USP53: variants seen among roughly 807,000 people sequenced by gnomAD.
The protein encoded by USP53 is ubiquitin carboxyl-terminal hydrolase 53.
In USP53, 71 loss-of-function variants were observed where a neutral mutation model predicts 94.9. The ratio of observed to expected loss-of-function variants is 0.75; its 90% CI spans 0.62 to 0.91. The LOEUF (loss-of-function observed/expected upper bound fraction) is 0.91. Among genes scored for constraint, USP53 ranks in the 40% least tolerant of loss-of-function variants. USP53 has a pLI of 0.00. For synonymous variants in USP53, 375 were observed against 422.7 expected (o/e 0.89, Z 1.39); for missense variants, 1,173 against 1,281.0 (o/e 0.92, Z 1.29).
At position 119,261,588 on chromosome 4, in the gene USP53, T is replaced by A. The variant is rs564767438; in HGVS notation, c.823-127T>A. ...TCAGTGGTGCCTTCAAGTAATAATA[T>A]AATATTAGATTGGGGCAGTATGCAT... On this transcript the variant is annotated intron_variant, in intron 11 of 18. Coordinates refer to ENST00000692078, the MANE Select transcript of USP53 (RefSeq NM_001371395.1). The A allele has an allele frequency of 3.2e-5, 20 of 626,944 alleles. No individual in the cohort carries two copies. The East Asian group carries it at 6.3e-4, about 20-fold the overall frequency. 38.8% of individuals were successfully genotyped at this position (626,944 alleles called of 1,614,324 possible).
intron 3 of USP53, among the ~76,000 whole-genome samples, chr4:119,232,547 A>G (rs973781225): frequency 2.0e-5 from 3 of 152,174 alleles, no homozygotes; most frequent in African/African-American, 7.2e-5. Flanking sequence ...TGGTTGATGG[A>G]CATTTGTTTG....
In USP53 at chr4:119,274,549, A is replaced by G. The variant is rs954194050; in HGVS notation, c.2251+841A>G. Among the ~76,000 whole-genome samples the G allele has an allele frequency of 2.6e-5, 4 of 152,104 alleles. 1 individual carries two copies. Among genetic ancestry groups the G allele is most frequent in the Admixed American group, 1.3e-4 (2 of 15,270 alleles). ...CTTTGCTATTGTGAATAATGCCGCA[A>G]TAAACATACGTGTACATGTGTCTTT... is the stretch of plus-strand genomic sequence containing the variant. On this transcript the variant is annotated intron_variant, in intron 17 of 18. Transcript: ENST00000692078.
chr4:119,268,231 A>G, intron 13 of USP53, 37 bp from the exon 14 acceptor site: 2 of 1,526,520 alleles, frequency 1.3e-6, no homozygotes, highest in Non-Finnish European at 1.8e-6. Context: ...TCTCATGGGA[A>G]GGAAAGGAAT....
intron 9 of USP53, 128 bp from the exon 10 acceptor site, chr4:119,259,691 AT>A (rs1379311023): frequency 1.5e-5 from 9 of 594,598 alleles, no homozygotes; most frequent in Non-Finnish European, 2.2e-5. Context: ...TTTATGGTTA[AT>A]TTTTCAGTCA....
At chr4:119,280,074 G>A (rs190561586) in intron 17 of USP53, among the ~76,000 whole-genome samples, 2,135 of 152,312 alleles carry the variant, frequency 0.014, 24 homozygotes, top group Middle Eastern at 0.027. Context: ...CGTCGCTCAC[G>A]CTGGGAGCTG....
intron 17 of USP53, among the ~76,000 whole-genome samples, chr4:119,289,175 T>A (rs1461977406): frequency 6.6e-6 from 1 of 152,150 alleles, no homozygotes; most frequent in Non-Finnish European, 1.5e-5. Flanking sequence ...TATTTCCCAT[T>A]TCCTCATATA....
Position 119,271,655 on chromosome 4 carries a change from G to T in USP53, c.1795G>T (p.Glu599Ter). The T allele has an allele frequency of 6.2e-7, 1 of 1,613,264 alleles. No individual in the cohort carries two copies. Among genetic ancestry groups the T allele is most frequent in the South Asian group, 1.1e-5 (1 of 90,868 alleles). The stretch of plus-strand genomic sequence containing the variant: ...ATTAAATGTTGATAGTATTTTTAGT[G>T]AAAGTGAAAAAAGACAGCATAGTCC... ...ETLNVDSIFS[E>*]SEKRQHSPRH... is the part of the protein sequence containing the mutation. Residue 599 changes from glutamate (E) to a stop codon, truncating the protein, a stop_gained, in exon 16 of 19, where the codon GAA becomes TAA. Transcript: ENST00000692078. LOFTEE classifies it high-confidence loss of function.
At chr4:119,265,967 C>CTTTTAG (rs1751078860) in intron 12 of USP53, among the ~76,000 whole-genome samples, 1 of 152,102 alleles carries the variant, frequency 6.6e-6, no homozygotes, top group Non-Finnish European at 1.5e-5. Context: ...ATGTAACTAC[C>CTTTTAG]ATAATCAGTA....
At chr4:119,273,305 G>A (rs1368038204) in intron 16 of USP53, 1 of 137,658 alleles carries the variant, frequency 7.3e-6, no homozygotes, top group Non-Finnish European at 1.5e-5. Flanking sequence ...AAGAGCAAAA[G>A]GTCCTGGCTC....
At chr4:119,290,436 G>A (rs1754624001) in intron 17 of USP53, among the ~76,000 whole-genome samples, 1 of 152,144 alleles carries the variant, frequency 6.6e-6, no homozygotes, top group South Asian at 2.1e-4. Flanking sequence ...GGACTTTTGA[G>A]TCATAAAGAT....
Position 119,212,726 on chromosome 4 carries a change from C to T in USP53, c.-1089C>T, listed in dbSNP as rs887078675. ...CGCCTGTGCTCCAGTTCCCGGTGAG[C>T]CTCGGTACTGTGGCAGCAGTCAGTG... On this transcript the variant is annotated 5_prime_UTR_variant, in exon 1 of 19. Transcript: ENST00000692078. The T allele has an allele frequency of 1.2e-5, 4 of 341,212 alleles. No individual in the cohort carries two copies. The highest frequency in any genetic ancestry group is 2.3e-5 in the Non-Finnish European group (4 of 170,490). The allele number at this position is 341,212 out of a possible 1,614,324, so 21.1% of individuals were successfully genotyped here.
intron 18 of USP53, among the ~76,000 whole-genome samples, chr4:119,291,535 C>CA (rs1754761213): frequency 2.6e-5 from 4 of 152,020 alleles, no homozygotes; most frequent in Admixed American, 2.6e-4. Flanking sequence ...GTAATGTGAC[C>CA]AAAACTATCG....
In USP53 at chr4:119,231,895, C is replaced by A. The variant is rs955991768; in HGVS notation, c.-664-3395C>A. ...TTGTGGGGTGGTCACTATGCATCCT[C>A]TGCCTGGGACGTACCAAAATTCCAG... On this transcript the variant is annotated intron_variant, in intron 3 of 18. Transcript: ENST00000692078. Among the ~76,000 whole-genome samples the A allele has an allele frequency of 5.9e-4, 89 of 151,906 alleles. 4 individuals are homozygous for A. Among genetic ancestry groups the A allele is most frequent in the Admixed American group, 1.3e-4 (2 of 15,246 alleles).
At chr4:119,222,055 A>G (rs769927438) in intron 3 of USP53, among the ~76,000 whole-genome samples, 6 of 152,104 alleles carry the variant, frequency 3.9e-5, no homozygotes, top group Admixed American at 6.5e-5. Context: ...CTGTATTGCT[A>G]TTTGGTGATT....
rs368532462 is a variant in USP53, at chr4:119,271,979, G to A, written c.2119G>A (p.Asp707Asn). ...TACTAATTTGGACTCACCTGTTATC[G>A]ATGGAAATGGTACAGTAATGGATAT... ...GSTNLDSPVIDGNGTVMDISG... is the reference protein window; with the variant it reads ...GSTNLDSPVINGNGTVMDISG... Residue 707 changes from aspartate (D) to asparagine (N), a missense_variant, in exon 16 of 19, where the codon GAT becomes AAT. Transcript: ENST00000692078. The A allele has an allele frequency of 5.1e-5, 83 of 1,612,976 alleles. No homozygotes were observed. The highest frequency in any genetic ancestry group is 6.0e-5 in the Non-Finnish European group (71 of 1,179,708).
chr4:119,249,299 A>C (rs1748652482), intron 7 of USP53, among the ~76,000 whole-genome samples: 1 of 152,166 alleles, frequency 6.6e-6, no homozygotes, highest in Admixed American at 6.5e-5. Context: ...GGTGGGTAAC[A>C]GGGGCAACAG....
rs1401194819 is a variant in USP53, at chr4:119,280,832, AG to A, written c.2251+7126del. Among the ~76,000 whole-genome samples, 6 of 152,320 alleles carry A rather than the reference AG, an allele frequency of 3.9e-5. 1 individual carries two copies. In the East Asian group the frequency reaches 1.2e-3, roughly 29 times the overall value. On this transcript the variant is annotated intron_variant, in intron 17 of 18. Coordinates refer to ENST00000692078, the MANE Select transcript of USP53 (RefSeq NM_001371395.1). ...GGGGATATGGGTGAGGAGGACATAAAGGAAGATATATTGTGGAGAATCACGT... is the reference window on the plus strand; with the variant it reads ...GGGGATATGGGTGAGGAGGACATAAAGAAGATATATTGTGGAGAATCACGT...
At chr4:119,254,516 T>C (rs1749490629) in intron 7 of USP53, among the ~76,000 whole-genome samples, 1 of 152,250 alleles carries the variant, frequency 6.6e-6, no homozygotes, top group Non-Finnish European at 1.5e-5. Context: ...TTGAATCGGC[T>C]ACTGAAGCTT....
chr4:119,248,741 T>C lies in USP53; in HGVS notation c.238-7T>C, dbSNP rs1238243177. 1.2e-6 allele frequency: 2 copies of C among 1,608,806 alleles called. No individual in the cohort carries two copies. Among genetic ancestry groups the C allele is most frequent in the Admixed American group, 1.7e-5 (1 of 59,252 alleles). On this transcript the variant is annotated splice_region_variant and splice_polypyrimidine_tract_variant and intron_variant, in intron 6 of 18. Coordinates refer to ENST00000692078, the MANE Select transcript of USP53 (RefSeq NM_001371395.1). The stretch of plus-strand genomic sequence containing the variant: ...TTAAACTTACTGATTTTCTTGTCGA[T>C]TCCCAGACGATATTTGCACAGTTCC...
Sources: allele counts gnomAD v4.1 joint callset (sites outside exome capture counted in the v4.1 genomes callset), GRCh38; gene constraint gnomAD v4.1.1; transcripts MANE v1.5; gene names NCBI Gene and HGNC (gene_info 2026-07-23, HGNC 2026-07-21).